Variants in FLRT2 observed in about 807,000 individuals in gnomAD.
FLRT2 encodes fibronectin leucine rich transmembrane protein 2.
FLRT2 carries 15 observed loss-of-function variants against 40.0 expected under a neutral mutation model. The ratio of observed to expected loss-of-function variants is 0.38; its 90% CI spans 0.25 to 0.58. FLRT2 has a LOEUF of 0.58. Among genes scored for constraint, FLRT2 ranks in the 20% least tolerant of loss-of-function variants. The pLI is 0.71. For synonymous variants in FLRT2, 380 were observed against 336.8 expected (o/e 1.13, Z -1.41); for missense variants, 726 against 840.0 (o/e 0.86, Z 1.68).
chr14:85,569,620 G>A (rs1343889463), intron 1 of FLRT2, among the ~76,000 whole-genome samples: 2 of 152,230 alleles, frequency 1.3e-5, no homozygotes, highest in East Asian at 3.8e-4. Context: ...TCACAGTGAG[G>A]AATGCGCTGT....
rs1289535744 is a variant in FLRT2 at position 85,644,903 on chromosome 14, C to T, written c.*21406C>T. 3 of 152,104 alleles carry T rather than the reference C, an allele frequency of 2.0e-5. No individual in the cohort carries two copies. Among genetic ancestry groups the T allele is most frequent in the Admixed American group, 6.6e-5 (1 of 15,260 alleles). The allele number at this position is 152,104 out of a possible 1,614,324, so 9.4% of individuals were successfully genotyped here. A position where few individuals can be genotyped will look rare whatever the true frequency, so the allele number is the denominator to read the frequency against. ...GCAGTTTGTAAAACTTTGCCAATCT[C>T]GTAGGAGATTAATAGCGTAGAGCTC... On this transcript the variant is annotated 3_prime_UTR_variant, in exon 2 of 2. Transcript: ENST00000330753.
rs1893400427 is a variant in FLRT2 at position 85,621,844 on chromosome 14, T to C, written c.330T>C (p.Asn110=). 2.5e-6 allele frequency: 4 copies of C among 1,614,130 alleles called. No individual in the cohort carries two copies. The highest frequency in any genetic ancestry group is 3.4e-6 in the Non-Finnish European group (4 of 1,179,986). The change falls in exon 2 of 2, where the codon AAT becomes AAC. Residue 110 remains asparagine, a synonymous_variant. Transcript: ENST00000330753. ...LDEFPMNLPK[N]VRVLHLQENN... ...AATTCCCCATGAACCTTCCCAAGAA[T>C]GTCAGAGTTCTCCATTTGCAGGAAA...
intron 1 of FLRT2, among the ~76,000 whole-genome samples, chr14:85,581,179 A>T (rs905482460): frequency 6.6e-6 from 1 of 152,232 alleles, no homozygotes; most frequent in African/African-American, 2.4e-5. Context: ...GTATTAAAAC[A>T]TTCTGATCTA....
In FLRT2 at chr14:85,621,706, C is replaced by A. The variant is rs774494135; in HGVS notation, c.192C>A (p.Gly64=). The stretch of plus-strand genomic sequence containing the variant: ...CAGTGCCTCTTGGGATCCCGGAGGG[C>A]GTAACTGTACTCTACCTCCACAACA... ...LTSVPLGIPE[G]VTVLYLHNNQ... Residue 64 remains glycine (G), a synonymous_variant, in exon 2 of 2, where the codon GGC becomes GGA. Coordinates refer to ENST00000330753, the MANE Select transcript of FLRT2 (RefSeq NM_013231.6). The A allele has an allele frequency of 2.5e-6, 4 of 1,613,976 alleles. No individual in the cohort carries two copies. Among genetic ancestry groups the A allele is most frequent in the African/African-American group, 2.7e-5 (2 of 74,904 alleles).
intron 1 of FLRT2, among the ~76,000 whole-genome samples, chr14:85,590,257 C>T (rs1363866206): frequency 6.6e-6 from 1 of 151,996 alleles, no homozygotes. Context: ...GGCAAAACTG[C>T]CCCCTTTAGA....
At chr14:85,570,565 A>T (rs1160453614) in intron 1 of FLRT2, among the ~76,000 whole-genome samples, 6 of 84,916 alleles carry the variant, frequency 7.1e-5, no homozygotes, top group Admixed American at 2.1e-4. Flanking sequence ...TATTTATTTT[A>T]TTTATTTATT....
rs148794341 is a variant in FLRT2 at position 85,650,438 on chromosome 14, A to G, written c.*26941A>G. ...CTATCCTTCAATGAACACTCTTTTA[A>G]TGTCATCTGGTGTCAGGTATGAGAG... On this transcript the variant is annotated 3_prime_UTR_variant, in exon 2 of 2. Coordinates refer to ENST00000330753, the MANE Select transcript of FLRT2 (RefSeq NM_013231.6). 734 of 152,038 alleles carry G rather than the reference A, an allele frequency of 4.8e-3. 5 individuals carry two copies. The highest frequency in any genetic ancestry group is 0.017 in the African/African-American group (702 of 41,498). The allele number at this position is 152,038 out of a possible 1,614,324, so 9.4% of individuals were successfully genotyped here.
rs148595310 is a variant in FLRT2, at chr14:85,594,673, G to A, written c.-376-26466G>A. Among the ~76,000 whole-genome samples, 375 of 152,158 alleles carry A rather than the reference G, an allele frequency of 2.5e-3. 3 individuals are homozygous for A. The highest frequency in any genetic ancestry group is 8.7e-3 in the African/African-American group (359 of 41,490). ...TTTTGGTACTTTTGAATCTAAACCC[G>A]TCTCCTATTCAATTTTCCTATAATC... On this transcript the variant is annotated intron_variant, in intron 1 of 1. Coordinates refer to ENST00000330753, the MANE Select transcript of FLRT2 (RefSeq NM_013231.6).
At chr14:85,586,950 G>A (rs1474088467) in intron 1 of FLRT2, among the ~76,000 whole-genome samples, 1 of 152,152 alleles carries the variant, frequency 6.6e-6, no homozygotes, top group Non-Finnish European at 1.5e-5. Flanking sequence ...TTGAGCTTAG[G>A]TGGAGCTGGT....
intron 1 of FLRT2, among the ~76,000 whole-genome samples, chr14:85,573,581 A>C (rs1187967971): frequency 6.6e-6 from 1 of 152,148 alleles, no homozygotes; most frequent in East Asian, 1.9e-4. Flanking sequence ...AGCTCCTTCT[A>C]CTGGGTGTGC....
chr14:85,619,517 A>G (rs1342986661), intron 1 of FLRT2, among the ~76,000 whole-genome samples: 1 of 152,192 alleles, frequency 6.6e-6, no homozygotes, highest in African/African-American at 2.4e-5. Flanking sequence ...CATCGAAGGC[A>G]TTTTTTGAGA....
chr14:85,597,556 T>TTA (rs1214457814), intron 1 of FLRT2, among the ~76,000 whole-genome samples: 1 of 152,112 alleles, frequency 6.6e-6, no homozygotes, highest in African/African-American at 2.4e-5. Flanking sequence ...GTGGTCAACT[T>TTA]TATATATATA....
intron 1 of FLRT2, among the ~76,000 whole-genome samples, chr14:85,606,160 A>G (rs1419520927): frequency 1.3e-5 from 2 of 152,166 alleles, no homozygotes; most frequent in Non-Finnish European, 2.9e-5. Flanking sequence ...GGCATCACAT[A>G]CTTAGGGACT....
chr14:85,630,360 T>C lies in FLRT2; in HGVS notation c.*6863T>C, dbSNP rs981096976. ...CTCAATATATCCTTAGGGGAATTCT[T>C]ATTACTTCAATGACATAATAAACCT... is the stretch of plus-strand genomic sequence containing the variant. On this transcript the variant is annotated 3_prime_UTR_variant, in exon 2 of 2. Coordinates refer to ENST00000330753, the MANE Select transcript of FLRT2 (RefSeq NM_013231.6). The C allele has an allele frequency of 6.6e-6, 1 of 150,826 alleles. No homozygotes were observed. The highest frequency in any genetic ancestry group is 1.5e-5 in the Non-Finnish European group (1 of 67,800). The allele number at this position is 150,826 out of a possible 1,614,324, so 9.3% of individuals were successfully genotyped here.
intron 1 of FLRT2, among the ~76,000 whole-genome samples, chr14:85,560,626 A>T (rs1595023554): frequency 6.6e-6 from 1 of 151,802 alleles, no homozygotes; most frequent in Non-Finnish European, 1.5e-5. Context: ...AATAAAGAAA[A>T]AAAAGAAATG....
At chr14:85,554,217 C>A (rs1431092626) in intron 1 of FLRT2, among the ~76,000 whole-genome samples, 1 of 152,214 alleles carries the variant, frequency 6.6e-6, no homozygotes. Flanking sequence ...ACTGAAGCCT[C>A]ATATACCAGA....
At chr14:85,547,198 G>A (rs1018449) in intron 1 of FLRT2, among the ~76,000 whole-genome samples, 82,760 of 151,978 alleles carry the variant, frequency 0.54, 23,149 homozygotes, top group Admixed American at 0.65. Flanking sequence ...ACTTTCCCTA[G>A]TCTTTCCAAA....
chr14:85,545,931 G>A (rs1017329526), intron 1 of FLRT2, among the ~76,000 whole-genome samples: 4 of 152,160 alleles, frequency 2.6e-5, no homozygotes, highest in Admixed American at 6.5e-5. Context: ...GCCTCTGAGA[G>A]GGCCTGGGAA....
chr14:85,623,119 C>G lies in FLRT2; in HGVS notation c.1605C>G (p.His535Gln). 6.2e-7 allele frequency: 1 copy of G among 1,610,424 alleles called. No individual in the cohort carries two copies. The highest frequency in any genetic ancestry group is 2.2e-5 in the East Asian group (1 of 44,804). ...CCAGCCATGAGCAGACGACGTCCCA[C>G]AGCATGGGCTCCCCCTTTCTGCTGG... ...TASSHEQTTSHSMGSPFLLAG... is the reference protein window; with the variant it reads ...TASSHEQTTSQSMGSPFLLAG... Residue 535 changes from histidine to glutamine, a missense_variant, in exon 2 of 2, where the codon CAC becomes CAG. His to Gln is a conservative substitution (Grantham distance 24, BLOSUM62 0). Transcript: ENST00000330753.
Sources: allele counts gnomAD v4.1 joint callset (sites outside exome capture counted in the v4.1 genomes callset), GRCh38; gene constraint gnomAD v4.1.1; transcripts MANE v1.5; gene names NCBI Gene and HGNC (gene_info 2026-07-23, HGNC 2026-07-21).